The following NGEF variants were observed in gnomAD, a reference collection of about 807,000 sequenced individuals.
NGEF encodes the protein ephexin-1.
In NGEF, 31 loss-of-function variants were observed where a neutral mutation model predicts 80.9. The ratio of observed to expected loss-of-function variants is 0.38; its 90% CI spans 0.29 to 0.52. NGEF has a LOEUF of 0.52. Ranked by LOEUF, NGEF falls within the 20% of genes least tolerant of loss-of-function variation. The pLI is 0.84. For missense variants in NGEF, 709 were observed against 926.2 expected, an observed-to-expected ratio of 0.77 and a Z score of 3.04; for synonymous variants, 371 against 370.2, an observed-to-expected ratio of 1.00 and a Z score of -0.03.
At position 232,899,792 on chromosome 2, in the gene NGEF, T is replaced by TCA. The variant is rs1253412231; in HGVS notation, c.829-4878_829-4877dup. Among the ~76,000 whole-genome samples, 167 of 98,826 alleles carry TCA rather than the reference T, an allele frequency of 1.7e-3. 4 individuals carry two copies. The highest frequency in any genetic ancestry group is 6.0e-3 in the African/African-American group (150 of 24,976). 64.8% of individuals were successfully genotyped at this position (98,826 alleles called of 152,430 possible). A position where few individuals can be genotyped will look rare whatever the true frequency, so the allele number is the denominator to read the frequency against. On this transcript the variant is annotated intron_variant, in intron 5 of 14. Coordinates refer to ENST00000264051, the MANE Select transcript of NGEF (RefSeq NM_019850.3). ...CACTCATATACACGTTCACTCACAT[T>TCA]CACTCACACACACGCTCTCAGTCAC...
At position 232,984,136 on chromosome 2, in the gene NGEF, G is replaced by A. The variant is rs150333810; in HGVS notation, c.-74-9172C>T. Among the ~76,000 whole-genome samples, 68 of 152,380 alleles carry A rather than the reference G, an allele frequency of 4.5e-4. 1 individual carries two copies. In the East Asian group the frequency reaches 0.011, roughly 24 times the overall value. On this transcript the variant is annotated intron_variant, in intron 1 of 14. Coordinates refer to ENST00000264051, the MANE Select transcript of NGEF (RefSeq NM_019850.3). ...GTCTCACTCTGTCACCCAGGCTGGA[G>A]TGCAGTAGCTCCATCATTGCTCACT...
chr2:232,960,642 G>A (rs964036364), intron 3 of NGEF, among the ~76,000 whole-genome samples: 1 of 152,226 alleles, frequency 6.6e-6, no homozygotes, highest in Non-Finnish European at 1.5e-5. Context: ...ACTTTGGGAG[G>A]CTGAGGCGGG....
chr2:232,936,784 A>G (rs1693333328), intron 3 of NGEF, among the ~76,000 whole-genome samples: 1 of 152,112 alleles, frequency 6.6e-6, no homozygotes, highest in Middle Eastern at 3.2e-3. Flanking sequence ...GTATCCTTTC[A>G]CCGTAATAAA....
At chr2:232,998,402 T>G (rs1694900506) in intron 1 of NGEF, among the ~76,000 whole-genome samples, 1 of 151,862 alleles carries the variant, frequency 6.6e-6, no homozygotes, top group South Asian at 2.1e-4. Context: ...GCCTGCGAGG[T>G]GGAGCATGGC....
At chr2:232,921,910 A>C (rs544661730) in intron 4 of NGEF, among the ~76,000 whole-genome samples, 181 of 152,254 alleles carry the variant, frequency 1.2e-3, no homozygotes, top group African/African-American at 4.2e-3. Flanking sequence ...GACAGTTACA[A>C]GATAGAATAA....
At chr2:232,992,127 G>A (rs1029558185) in intron 1 of NGEF, among the ~76,000 whole-genome samples, 1 of 152,084 alleles carries the variant, frequency 6.6e-6, no homozygotes, top group African/African-American at 2.4e-5. Flanking sequence ...AAAACTCTTA[G>A]AAGAAAACTA....
chr2:232,956,437 A>G (rs1676080941), intron 3 of NGEF, among the ~76,000 whole-genome samples: 1 of 152,184 alleles, frequency 6.6e-6, no homozygotes, highest in Non-Finnish European at 1.5e-5. Flanking sequence ...AATATTATCC[A>G]TAAAGTATTG....
Position 232,879,419 on chromosome 2 carries a change from A to C in NGEF, c.*70T>G, listed in dbSNP as rs1477154515. ...GGAGGTGCTGGCCTGTGCTTCCCAG[A>C]GCCCCCCCCCCCCCACCTTCTGTCG... is the stretch of plus-strand genomic sequence containing the variant. On this transcript the variant is annotated 3_prime_UTR_variant, in exon 15 of 15. Coordinates refer to ENST00000264051, the MANE Select transcript of NGEF (RefSeq NM_019850.3). 1.7e-6 allele frequency: 2 copies of C among 1,186,170 alleles called. No homozygotes were observed. Among genetic ancestry groups the C allele is most frequent in the Non-Finnish European group, 1.1e-6 (1 of 883,458 alleles). 73.5% of individuals were successfully genotyped at this position (1,186,170 alleles called of 1,614,324 possible).
At position 232,879,316 on chromosome 2, in the gene NGEF, A is replaced by T; in HGVS notation, c.*173T>A. 3 of 614,528 alleles carry T rather than the reference A, an allele frequency of 4.9e-6. No individual in the cohort carries two copies. The highest frequency in any genetic ancestry group is 8.4e-6 in the Non-Finnish European group (3 of 357,704). The allele number at this position is 614,528 out of a possible 1,614,324, so 38.1% of individuals were successfully genotyped here. ...GCACCCTTTATCCAGTTTGCGAGCA[A>T]GGGGCCAAGACACATGAGCACTCAC... On this transcript the variant is annotated 3_prime_UTR_variant, in exon 15 of 15. Coordinates refer to ENST00000264051, the MANE Select transcript of NGEF (RefSeq NM_019850.3).
chr2:232,987,336 T>A (rs774956227), intron 1 of NGEF, among the ~76,000 whole-genome samples: 1 of 152,142 alleles, frequency 6.6e-6, no homozygotes, highest in Non-Finnish European at 1.5e-5. Context: ...ACTTTTTTGA[T>A]GTTCTGGAAT....
chr2:232,982,391 G>A (rs1309251771), intron 1 of NGEF, among the ~76,000 whole-genome samples: 1 of 152,142 alleles, frequency 6.6e-6, no homozygotes, highest in African/African-American at 2.4e-5. Context: ...TGAGGCAAAA[G>A]GTGCCCCCAG....
chr2:232,993,104 T>A (rs1446729261), intron 1 of NGEF, among the ~76,000 whole-genome samples: 2 of 59,166 alleles, frequency 3.4e-5, no homozygotes, highest in African/African-American at 1.7e-4. Flanking sequence ...TATAAATAAA[T>A]AAATATATAT....
At chr2:232,997,058 G>C (rs1694867533) in intron 1 of NGEF, among the ~76,000 whole-genome samples, 1 of 152,174 alleles carries the variant, frequency 6.6e-6, no homozygotes, top group Non-Finnish European at 1.5e-5. Context: ...TCCTTCCTCA[G>C]TGCACCCTCA....
rs1460606191 is a variant in NGEF at position 232,879,494 on chromosome 2, G to A, written c.2128C>T (p.Gln710Ter). The A allele has an allele frequency of 4.4e-6, 7 of 1,597,230 alleles. No individual in the cohort carries two copies. The highest frequency in any genetic ancestry group is 5.1e-6 in the Non-Finnish European group (6 of 1,168,142). Residue 710 changes from glutamine (Q) to a stop codon, truncating the protein, a stop_gained, in exon 15 of 15, where the codon CAA becomes TAA. Transcript: ENST00000264051. LOFTEE classifies it high-confidence loss of function. ...GCTGGCCCCCTGGGTGGGGGTCATT[G>A]CCGATTCCGGCTGCCCAGCTTCCTG... ...DRRKLGSRNR[Q>*] is the part of the protein sequence containing the mutation.
intron 3 of NGEF, among the ~76,000 whole-genome samples, chr2:232,953,702 C>T (rs541078823): frequency 2.6e-5 from 4 of 152,128 alleles, no homozygotes; most frequent in Middle Eastern, 3.4e-3. Flanking sequence ...TTCTATGGAG[C>T]ATAACTGAGG....
intron 5 of NGEF, among the ~76,000 whole-genome samples, chr2:232,909,332 C>T (rs1310092998): frequency 6.6e-6 from 1 of 152,112 alleles, no homozygotes; most frequent in East Asian, 1.9e-4. Flanking sequence ...ATTTTGGCCC[C>T]AAACATCTAA....
In NGEF at chr2:232,918,646, TTTTTTTTA is replaced by T. The variant is rs1465813220; in HGVS notation, c.828+1630_828+1637del. 3.3e-4 allele frequency among the ~76,000 whole-genome samples: 49 copies of T among 150,756 alleles called. 4 individuals are homozygous for T. The East Asian group carries it at 9.5e-3, about 29-fold the overall frequency. ...TTTCTAAGTTTTTTTTTTTTTTTTT[TTTTTTTTA>T]GACGGAGTCTTGATTTGTCACCCAG... is the stretch of plus-strand genomic sequence containing the variant. On this transcript the variant is annotated intron_variant, in intron 5 of 14. Coordinates refer to ENST00000264051, the MANE Select transcript of NGEF (RefSeq NM_019850.3).
chr2:232,928,841 C>T (rs1341969650), intron 3 of NGEF, among the ~76,000 whole-genome samples: 1 of 152,232 alleles, frequency 6.6e-6, no homozygotes, highest in African/African-American at 2.4e-5. Context: ...GTGACATCGA[C>T]TCCTGGACTC....
intron 2 of NGEF, among the ~76,000 whole-genome samples, chr2:232,973,316 G>C (rs1360980140): frequency 6.6e-6 from 1 of 152,172 alleles, no homozygotes. Flanking sequence ...CTTCCACGAC[G>C]ATAGTATTTC....
Sources: gnomAD v4.1 joint callset for allele counts (sites outside exome capture counted in the v4.1 genomes callset) on GRCh38, gnomAD v4.1.1 for gene constraint, MANE v1.5 for transcripts, NCBI Gene and HGNC (gene_info 2026-07-23, HGNC 2026-07-21) for gene names.